Variants in CACNA1E observed in about 807,000 individuals in gnomAD.
CACNA1E encodes voltage-dependent R-type calcium channel subunit alpha-1E.
A neutral mutation model predicts 259.2 loss-of-function variants in CACNA1E; 40 were observed. That is an observed-to-expected ratio of 0.15 (90% CI 0.12 to 0.20). The LOEUF is 0.20. CACNA1E is among the 10% of genes least tolerant of loss of function. The probability of loss-of-function intolerance (pLI) is 1.00; values close to 1 mark genes in which losing one functional copy is unlikely to be tolerated. For missense variants in CACNA1E, 1,874 were observed against 3,040.1 expected (o/e 0.62, Z 9.02); for synonymous variants, 1,104 against 1,138.5 (o/e 0.97, Z 0.61).
intron 7 of CACNA1E, among the ~76,000 whole-genome samples, chr1:181,687,686 G>A (rs1210088279): frequency 2.6e-5 from 4 of 152,098 alleles, no homozygotes; most frequent in African/African-American, 9.7e-5. Flanking sequence ...ATTATAACCT[G>A]TTTGCTTTTA....
At chr1:181,474,613 T>C (rs1017188459) in intron 2 of CACNA1E, among the ~76,000 whole-genome samples, 1 of 152,360 alleles carries the variant, frequency 6.6e-6, no homozygotes, top group African/African-American at 2.4e-5. Context: ...ATAAGAGAAA[T>C]AGGCATGATG....
chr1:181,563,943 G>A (rs904523500), intron 3 of CACNA1E, among the ~76,000 whole-genome samples: 9 of 152,198 alleles, frequency 5.9e-5, no homozygotes, highest in Non-Finnish European at 1.3e-4. Flanking sequence ...TAAGTGTGCA[G>A]TAGCATTATG....
chr1:181,696,892 T>C (rs1036739661), intron 7 of CACNA1E, among the ~76,000 whole-genome samples: 1 of 152,240 alleles, frequency 6.6e-6, no homozygotes, highest in Non-Finnish European at 1.5e-5. Context: ...GTGTTTTTCA[T>C]AGGAATCCAT....
intron 6 of CACNA1E, among the ~76,000 whole-genome samples, chr1:181,609,806 G>C (rs1157277179): frequency 6.6e-6 from 1 of 152,190 alleles, no homozygotes; most frequent in Non-Finnish European, 1.5e-5. Flanking sequence ...GGCTGAACAT[G>C]AGTAACTTGC....
At chr1:181,669,592 G>A (rs1280143952) in intron 7 of CACNA1E, among the ~76,000 whole-genome samples, 1 of 152,152 alleles carries the variant, frequency 6.6e-6, no homozygotes, top group Admixed American at 6.5e-5. Flanking sequence ...ACAGGATTAC[G>A]AAGAAGGGCA....
At position 181,790,478 on chromosome 1, in the gene CACNA1E, A is replaced by G. The variant is rs35611740; in HGVS notation, c.5820A>G (p.Pro1940=). 3.7e-6 allele frequency: 6 copies of G among 1,612,432 alleles called. No homozygotes were observed. In the East Asian group the frequency reaches 1.1e-4, roughly 30 times the overall value. Residue 1940 remains proline (P), a synonymous_variant, in exon 44 of 48, where the codon CCA becomes CCG. Coordinates refer to ENST00000367573, the MANE Select transcript of CACNA1E (RefSeq NM_001205293.3). Reference sequence around the variant, plus strand: ...GGAGTGGATACCCTTCGATGAGTCCACTCTCTCCCCAGGATATATTCCAGT... The same window carrying G: ...GGAGTGGATACCCTTCGATGAGTCCGCTCTCTCCCCAGGATATATTCCAGT... ...SGRSGYPSMS[P]LSPQDIFQLA...
Position 181,513,465 on chromosome 1 carries a change from G to GT in CACNA1E, c.512+1961dup, listed in dbSNP as rs539818118. Among the ~76,000 whole-genome samples, 23 of 152,282 alleles carry GT rather than the reference G, an allele frequency of 1.5e-4. No homozygotes were observed. The South Asian group carries it at 2.7e-3, about 18-fold the overall frequency. ...GTTACTTGACACTTGGATTCTTTCT[G>GT]TTTTTTGGCTCTGATAAATAATTAT... On this transcript the variant is annotated intron_variant, in intron 3 of 47. Transcript: ENST00000367573.
chr1:181,714,075 T>A (rs892603373), intron 8 of CACNA1E, among the ~76,000 whole-genome samples: 1 of 152,166 alleles, frequency 6.6e-6, no homozygotes, highest in Admixed American at 6.5e-5. Context: ...CTACCTCAAA[T>A]TAGCATAGAC....
chr1:181,618,440 C>T (rs750469413), intron 6 of CACNA1E, among the ~76,000 whole-genome samples: 13 of 152,174 alleles, frequency 8.5e-5, no homozygotes, highest in Non-Finnish European at 1.6e-4. Flanking sequence ...TGGTGCATGC[C>T]TGTAATCCTG....
chr1:181,791,862 T>C (rs912553892), intron 44 of CACNA1E, among the ~76,000 whole-genome samples: 1 of 152,204 alleles, frequency 6.6e-6, no homozygotes, highest in Non-Finnish European at 1.5e-5. Context: ...CCCTGAATGA[T>C]GTGTGATGGA....
At chr1:181,723,587 C>T (rs12240245) in intron 16 of CACNA1E, among the ~76,000 whole-genome samples, 1 of 152,108 alleles carries the variant, frequency 6.6e-6, no homozygotes, top group Admixed American at 6.5e-5. Flanking sequence ...TCCCACAGGT[C>T]GATGGCTCAA....
At chr1:181,762,099 A>G (rs376490483) in intron 32 of CACNA1E, among the ~76,000 whole-genome samples, 3 of 152,198 alleles carry the variant, frequency 2.0e-5, no homozygotes, top group Non-Finnish European at 4.4e-5. Context: ...ACTGTATTTT[A>G]TAGGGCACTT....
chr1:181,545,707 G>A (rs1253970296), intron 3 of CACNA1E, among the ~76,000 whole-genome samples: 5 of 152,166 alleles, frequency 3.3e-5, no homozygotes, highest in Non-Finnish European at 5.9e-5. Context: ...TTCTGTTCAG[G>A]GAGTTTGGGT....
intron 7 of CACNA1E, among the ~76,000 whole-genome samples, chr1:181,661,277 A>G (rs951104800): frequency 2.0e-5 from 3 of 152,220 alleles, no homozygotes; most frequent in African/African-American, 7.2e-5. Context: ...GAAGGTACAT[A>G]GAGAAGCAAG....
At chr1:181,556,227 G>A (rs1648706610) in intron 3 of CACNA1E, among the ~76,000 whole-genome samples, 1 of 152,136 alleles carries the variant, frequency 6.6e-6, no homozygotes, top group Non-Finnish European at 1.5e-5. Context: ...CATCATGGCA[G>A]CAACACCCCT....
intron 25 of CACNA1E, among the ~76,000 whole-genome samples, chr1:181,739,590 G>A (rs1470196697): frequency 6.6e-6 from 1 of 152,186 alleles, no homozygotes; most frequent in Non-Finnish European, 1.5e-5. Flanking sequence ...CCCAGGAACA[G>A]CTTATGGGCC....
intron 7 of CACNA1E, among the ~76,000 whole-genome samples, chr1:181,700,871 G>C (rs551532986): frequency 2.1e-4 from 32 of 152,228 alleles, no homozygotes; most frequent in Admixed American, 2.1e-3. Context: ...ACTTCCTTCC[G>C]CTCACTTCGA....
At chr1:181,757,519 A>C (rs1558352983) in intron 30 of CACNA1E, among the ~76,000 whole-genome samples, 1 of 152,190 alleles carries the variant, frequency 6.6e-6, no homozygotes, top group Non-Finnish European at 1.5e-5. Flanking sequence ...AAGGTTTCAA[A>C]AGCTGTTTTT....
At chr1:181,755,546 T>A (rs74127849) in intron 28 of CACNA1E, 149 bp downstream of exon 28, 1 of 677,492 alleles carries the variant, frequency 1.5e-6, no homozygotes, top group South Asian at 2.0e-5. Flanking sequence ...CAATAAACTT[T>A]TTACTGAGTG....
Sources: allele counts gnomAD v4.1 joint callset (sites outside exome capture counted in the v4.1 genomes callset), GRCh38; gene constraint gnomAD v4.1.1; transcripts MANE v1.5; gene names NCBI Gene and HGNC (gene_info 2026-07-23, HGNC 2026-07-21).